Variants in RBPMS observed in about 807,000 individuals in gnomAD.
The protein encoded by RBPMS is RNA-binding protein with multiple splicing.
Under a neutral mutation model 26.8 loss-of-function variants are expected in RBPMS, and 7 were observed. The ratio of observed to expected loss-of-function variants is 0.26; its 90% CI spans 0.15 to 0.49. RBPMS has a LOEUF of 0.49. Among genes scored for constraint, RBPMS ranks in the 20% least tolerant of loss-of-function variants. The pLI, the probability that RBPMS is intolerant of heterozygous loss-of-function variation, is 0.98. For synonymous variants in RBPMS, 96 were observed against 93.3 expected (o/e 1.03, Z -0.17); for missense variants, 186 against 250.0 (o/e 0.74, Z 1.73).
intron 1 of RBPMS, among the ~76,000 whole-genome samples, chr8:30,390,291 A>T (rs934495534): frequency 4.6e-5 from 7 of 152,238 alleles, no homozygotes; most frequent in African/African-American, 1.7e-4. Context: ...GGTGAGAATC[A>T]GGTCTGCCTT....
At chr8:30,417,404 G>T (rs897884199) in intron 1 of RBPMS, among the ~76,000 whole-genome samples, 3 of 152,158 alleles carry the variant, frequency 2.0e-5, no homozygotes, top group Non-Finnish European at 2.9e-5. Context: ...TCAACGTGGA[G>T]ATGTCTCAGA....
chr8:30,483,413 A>G (rs1818474538), intron 4 of RBPMS, among the ~76,000 whole-genome samples: 1 of 152,166 alleles, frequency 6.6e-6, no homozygotes, highest in South Asian at 2.1e-4. Flanking sequence ...TGCTTAGGCT[A>G]GTGTAGTAAT....
At chr8:30,522,969 G>T (rs1475762013) in intron 5 of RBPMS, among the ~76,000 whole-genome samples, 1 of 152,094 alleles carries the variant, frequency 6.6e-6, no homozygotes, top group Non-Finnish European at 1.5e-5. Context: ...TTTGCTTTCA[G>T]GTGGATACTT....
intron 4 of RBPMS, among the ~76,000 whole-genome samples, chr8:30,491,689 C>G (rs1819413051): frequency 6.6e-6 from 1 of 151,630 alleles, no homozygotes; most frequent in East Asian, 1.9e-4. Flanking sequence ...TTTTTTTCTT[C>G]TGCACCAGCC....
Position 30,384,559 on chromosome 8 carries a change from G to T in RBPMS, c.-534G>T, listed in dbSNP as rs528161838. 1.8e-4 allele frequency: 28 copies of T among 153,870 alleles called. No individual in the cohort carries two copies. The East Asian group carries it at 3.1e-3, about 17-fold the overall frequency. The allele number at this position is 153,870 out of a possible 1,614,324, so 9.5% of individuals were successfully genotyped here. ...ACTTCCCAGAGCCTGCCTGGAGCGC[G>T]TACTCAGCGGCTCTCGGGTCCCAGC... On this transcript the variant is annotated 5_prime_UTR_variant, in exon 1 of 9. Transcript: ENST00000397323. The surrounding 1 kb of genome is among the most constrained non-coding windows in gnomAD (Gnocchi z 5.6).
chr8:30,545,616 C>T (rs1172813135), intron 6 of RBPMS: 1 of 185,340 alleles, frequency 5.4e-6, no homozygotes, highest in Admixed American at 6.5e-5. Context: ...TAAACAGCTT[C>T]CCAGAAAACC....
At chr8:30,430,171 G>A in intron 1 of RBPMS, among the ~76,000 whole-genome samples, 1 of 152,132 alleles carries the variant, frequency 6.6e-6, no homozygotes, top group East Asian at 1.9e-4. Context: ...AGCTACTCGT[G>A]ATCATGCCAC....
intron 1 of RBPMS, among the ~76,000 whole-genome samples, chr8:30,393,113 AAATT>A (rs1384891153): frequency 4.6e-5 from 7 of 152,174 alleles, no homozygotes; most frequent in African/African-American, 7.2e-5. Context: ...GGAAACTTAA[AAATT>A]AATTTAGGAA....
At chr8:30,517,397 C>T (rs548062176) in intron 5 of RBPMS, among the ~76,000 whole-genome samples, 5 of 152,200 alleles carry the variant, frequency 3.3e-5, no homozygotes, top group Admixed American at 2.0e-4. Flanking sequence ...CACTAGGACC[C>T]TAGCTATACT....
At chr8:30,392,984 G>T (rs961628304) in intron 1 of RBPMS, among the ~76,000 whole-genome samples, 2 of 152,134 alleles carry the variant, frequency 1.3e-5, no homozygotes, top group Non-Finnish European at 2.9e-5. Context: ...TGGAATTCCT[G>T]CTTTCTAGGA....
At position 30,449,369 on chromosome 8, in the gene RBPMS, C is replaced by CTTT. The variant is rs5890522; in HGVS notation, c.67-25391_67-25389dup. 4.1e-3 allele frequency among the ~76,000 whole-genome samples: 437 copies of CTTT among 106,456 alleles called. 14 individuals are homozygous for CTTT. Among genetic ancestry groups the CTTT allele is most frequent in the African/African-American group, 0.013 (334 of 25,124 alleles). 69.8% of individuals were successfully genotyped at this position (106,456 alleles called of 152,430 possible). ...TTGGATCCTTTTCCTCACATCTCCT[C>CTTT]TTTTTTTTTTTTTTTTTTTTTGAGA... On this transcript the variant is annotated intron_variant, in intron 1 of 8. Transcript: ENST00000397323.
chr8:30,438,052 A>G (rs1391936637), intron 1 of RBPMS, among the ~76,000 whole-genome samples: 1 of 152,224 alleles, frequency 6.6e-6, no homozygotes, highest in Non-Finnish European at 1.5e-5. Flanking sequence ...GCTATTTATT[A>G]CTTATTATTC....
rs370427874 is a variant in RBPMS at position 30,393,441 on chromosome 8, CT to C, written c.66+8289del. On this transcript the variant is annotated intron_variant, in intron 1 of 8. Transcript: ENST00000397323. ...TCTAAGTTGCTTTTATCTTTTTTGA[CT>C]TTTTTGGGGAAAAGGAAGAGTAGGA... Among the ~76,000 whole-genome samples, 432 of 151,946 alleles carry C rather than the reference CT, an allele frequency of 2.8e-3. 3 individuals are homozygous for C. The highest frequency in any genetic ancestry group is 0.01 in the African/African-American group (422 of 41,482).
At chr8:30,496,445 G>A (rs988278768) in intron 4 of RBPMS, among the ~76,000 whole-genome samples, 5 of 152,100 alleles carry the variant, frequency 3.3e-5, no homozygotes, top group African/African-American at 4.8e-5. Flanking sequence ...TGGGATTACA[G>A]GCGTGAGCCA....
chr8:30,512,305 A>G (rs1257746391), intron 5 of RBPMS, among the ~76,000 whole-genome samples: 2 of 152,134 alleles, frequency 1.3e-5, no homozygotes, highest in African/African-American at 4.8e-5. Context: ...ATAAATATCT[A>G]TGCATTTATA....
chr8:30,408,172 A>G (rs1003204510), intron 1 of RBPMS, among the ~76,000 whole-genome samples: 4 of 152,176 alleles, frequency 2.6e-5, no homozygotes, highest in African/African-American at 9.7e-5. Context: ...TTAGACCCCC[A>G]GAACCTCATT....
intron 8 of RBPMS, among the ~76,000 whole-genome samples, chr8:30,566,831 T>A (rs1011823934): frequency 6.6e-6 from 1 of 152,194 alleles, no homozygotes; most frequent in African/African-American, 2.4e-5. Context: ...CTTAGGGACA[T>A]AGGATAATTA....
At chr8:30,441,862 T>C (rs373133544) in intron 1 of RBPMS, among the ~76,000 whole-genome samples, 9 of 152,346 alleles carry the variant, frequency 5.9e-5, no homozygotes, top group African/African-American at 1.7e-4. Flanking sequence ...CAGTCTCGGC[T>C]CACTGCAATC....
chr8:30,511,511 A>C (rs1821676916), intron 5 of RBPMS, among the ~76,000 whole-genome samples: 1 of 6,958 alleles, frequency 1.4e-4, no homozygotes, highest in African/African-American at 2.2e-4. Flanking sequence ...ATATATATAT[A>C]TATATATATA....
Sources: allele counts gnomAD v4.1 joint callset (sites outside exome capture counted in the v4.1 genomes callset), GRCh38; gene constraint gnomAD v4.1.1; non-coding constraint Gnocchi (gnomAD v3.1); transcripts MANE v1.5; gene names NCBI Gene and HGNC (gene_info 2026-07-23, HGNC 2026-07-21).